Variants in SHF observed in about 807,000 individuals in gnomAD.
SHF encodes SH2 domain-containing adapter protein F.
A neutral mutation model predicts 42.4 loss-of-function variants in SHF; 30 were observed. The ratio of observed to expected loss-of-function variants is 0.71; its 90% CI spans 0.53 to 0.96. The LOEUF is 0.96. SHF is among the 40% of genes least tolerant of loss of function. The pLI is 0.00. For missense variants in SHF, 598 were observed against 634.0 expected, an observed-to-expected ratio of 0.94 and a Z score of 0.61; for synonymous variants, 264 against 269.9, an observed-to-expected ratio of 0.98 and a Z score of 0.21.
At chr15:45,178,434 CAAAG>C in intron 1 of SHF, 128 bp from the exon 2 acceptor site, 2 of 1,116,232 alleles carry the variant, frequency 1.8e-6, no homozygotes, top group Non-Finnish European at 2.4e-6. Flanking sequence ...CCCAGGTACT[CAAAG>C]GAAGGCTCTG....
At chr15:45,200,340 G>A (rs566800314) in intron 1 of SHF, 1 of 183,504 alleles carries the variant, frequency 5.4e-6, no homozygotes, top group Non-Finnish European at 1.2e-5. Flanking sequence ...TTTCCACAAT[G>A]TTGTGAACTC....
rs1898880480 is a variant in SHF, at chr15:45,196,843, G to A, written c.303+1929C>T. The stretch of plus-strand genomic sequence containing the variant: ...GAACCTGGGAGGCGGAGCTTGCAGT[G>A]AGCCAAGATTGCACCACTCTGCACT... On this transcript the variant is annotated intron_variant, in intron 2 of 7. Transcript: ENST00000290894. 2.0e-5 allele frequency among the ~76,000 whole-genome samples: 3 copies of A among 149,462 alleles called. No individual in the cohort carries two copies. The South Asian group carries it at 6.3e-4, about 32-fold the overall frequency.
intron 1 of SHF, among the ~76,000 whole-genome samples, chr15:45,187,154 G>C (rs973534112): frequency 1.9e-4 from 29 of 152,220 alleles, no homozygotes; most frequent in African/African-American, 6.8e-4. Flanking sequence ...AAAGGCTCAT[G>C]GATCAGGCTA....
intron 1 of SHF, among the ~76,000 whole-genome samples, chr15:45,184,712 A>T (rs1190802438): frequency 2.6e-5 from 4 of 152,264 alleles, no homozygotes; most frequent in Non-Finnish European, 5.9e-5. Flanking sequence ...GGTCTGAGAA[A>T]AGGGAGCAAA....
intron 2 of SHF, among the ~76,000 whole-genome samples, chr15:45,194,931 C>T (rs1249223042): frequency 1.3e-5 from 2 of 152,038 alleles, no homozygotes; most frequent in African/African-American, 2.4e-5. Flanking sequence ...TGGGTTCAAG[C>T]GATCCTCCCA....
chr15:45,170,463 A>C, intron 6 of SHF: 1 of 1,284,132 alleles, frequency 7.8e-7, no homozygotes, highest in South Asian at 1.3e-5. Flanking sequence ...TTTACAATTC[A>C]GACTCCTAGA....
chr15:45,171,385 T>C (rs1197827544), intron 6 of SHF: 1 of 162,000 alleles, frequency 6.2e-6, no homozygotes, highest in African/African-American at 2.4e-5. Flanking sequence ...CAGAAATACT[T>C]TGTGTCCACT....
In SHF at chr15:45,174,867, T is replaced by C. The variant is rs542534065; in HGVS notation, c.847+352A>G. ...TGTTTGAAGTAAGTGCCTTCTTTTG[T>C]TAAATGTAAGTATTTTAACATATGT... On this transcript the variant is annotated intron_variant, in intron 3 of 6. Coordinates refer to ENST00000690270, the MANE Select transcript of SHF (RefSeq NM_001394037.1). 7.9e-5 allele frequency among the ~76,000 whole-genome samples: 12 copies of C among 152,344 alleles called. No individual in the cohort carries two copies. In the South Asian group the frequency reaches 2.1e-3, roughly 26 times the overall value.
In SHF at chr15:45,171,888, G is replaced by A. The variant is rs774932973; in HGVS notation, c.1275C>T (p.Ser425=). 1.7e-5 allele frequency: 27 copies of A among 1,612,944 alleles called. No homozygotes were observed. Among genetic ancestry groups the A allele is most frequent in the Non-Finnish European group, 2.1e-5 (25 of 1,179,704 alleles). ...CCACAACTGTCCCCACTCACTTGAG[G>A]GAGAGGGAGAAGTCATTCTTGCTGG... ...SETSKNDFSL[S]LKSSQGFMHM... The change falls in exon 6 of 7, where the codon TCC becomes TCT. Residue 425 remains serine (S), a synonymous_variant. Coordinates refer to ENST00000690270, the MANE Select transcript of SHF (RefSeq NM_001394037.1).
intron 2 of SHF, among the ~76,000 whole-genome samples, chr15:45,196,351 C>T (rs1435245186): frequency 3.3e-5 from 5 of 152,142 alleles, no homozygotes. Context: ...GCCTCGGCCT[C>T]CCGAAGTGCT....
chr15:45,172,140 C>T lies in SHF; in HGVS notation c.1160+7G>A, dbSNP rs763765459. 1 of 1,613,930 alleles carries T rather than the reference C, an allele frequency of 6.2e-7. No individual in the cohort carries two copies. Among genetic ancestry groups the T allele is most frequent in the Non-Finnish European group, 8.5e-7 (1 of 1,179,870 alleles). The stretch of plus-strand genomic sequence containing the variant: ...GAGGGAGTCCCCAGCTGGACACAGA[C>T]ACTCACACCTGGTTTTCCAGAGGCA... On this transcript the variant is annotated splice_region_variant and intron_variant, in intron 5 of 6. Transcript: ENST00000690270.
Position 45,178,157 on chromosome 15 carries a change from T to C in SHF, c.640+8A>G. On this transcript the variant is annotated splice_region_variant and intron_variant, in intron 2 of 6. Transcript: ENST00000690270. Reference sequence around the variant, plus strand: ...TCAGGGAGCACCTCCCCTGCCCCTGTCACTCACCGGCCATCATCTTTTGAG... The same window carrying C: ...TCAGGGAGCACCTCCCCTGCCCCTGCCACTCACCGGCCATCATCTTTTGAG... The C allele has an allele frequency of 6.2e-7, 1 of 1,611,508 alleles. No homozygotes were observed. The highest frequency in any genetic ancestry group is 1.1e-5 in the South Asian group (1 of 90,902).
rs143853229 is a variant in SHF, at chr15:45,181,536, T to C, written c.499-3230A>G. Among the ~76,000 whole-genome samples the C allele has an allele frequency of 3.3e-5, 5 of 152,336 alleles. No homozygotes were observed. The East Asian group carries it at 7.7e-4, about 23-fold the overall frequency. On this transcript the variant is annotated intron_variant, in intron 1 of 6. Transcript: ENST00000690270. ...TTTGTTTATGGTCCCTTTGCCCCACTCTGATGTGCTCACTACTGTATCCTG... is the reference window on the plus strand; with the variant it reads ...TTTGTTTATGGTCCCTTTGCCCCACCCTGATGTGCTCACTACTGTATCCTG...
At chr15:45,193,524 G>A (rs11070443) in intron 2 of SHF, among the ~76,000 whole-genome samples, 10,415 of 152,150 alleles carry the variant, frequency 0.068, 530 homozygotes, top group East Asian at 0.17. Context: ...TGAAGCAATA[G>A]GGCAGAGGAA....
chr15:45,177,917 T>C (rs1897907319), intron 2 of SHF, among the ~76,000 whole-genome samples: 1 of 152,328 alleles, frequency 6.6e-6, no homozygotes, highest in Middle Eastern at 3.4e-3. Flanking sequence ...ACTCTTTTCC[T>C]TCCTATCTTG....
chr15:45,194,316 G>A (rs1243607201), intron 2 of SHF, among the ~76,000 whole-genome samples: 1 of 151,414 alleles, frequency 6.6e-6, no homozygotes, highest in African/African-American at 2.4e-5. Context: ...TTTGACTATT[G>A]GGAGCCTTTT....
At chr15:45,180,358 C>T (rs1188945909) in intron 1 of SHF, among the ~76,000 whole-genome samples, 1 of 152,180 alleles carries the variant, frequency 6.6e-6, no homozygotes, top group Non-Finnish European at 1.5e-5. Context: ...CACAGCCCCA[C>T]CCCTTGACCA....
chr15:45,198,743 G>C, intron 2 of SHF: 12 of 1,595,234 alleles, frequency 7.5e-6, no homozygotes, highest in Middle Eastern at 1.7e-4. Flanking sequence ...GGCCTTCCCA[G>C]TTTGCGCGTC....
At chr15:45,186,167 C>T (rs1898386327) in intron 1 of SHF, among the ~76,000 whole-genome samples, 1 of 152,256 alleles carries the variant, frequency 6.6e-6, no homozygotes, top group African/African-American at 2.4e-5. Flanking sequence ...CGAGCACAGC[C>T]TTGGAGAAGT....
Sources: allele counts gnomAD v4.1 joint callset (sites outside exome capture counted in the v4.1 genomes callset), GRCh38; gene constraint gnomAD v4.1.1; transcripts MANE v1.5; gene names NCBI Gene and HGNC (gene_info 2026-07-23, HGNC 2026-07-21).